Variants in AGBL1 observed in about 807,000 individuals in gnomAD.
AGBL1 encodes cytosolic carboxypeptidase 4.
AGBL1 carries 130 observed loss-of-function variants against 118.9 expected under a neutral mutation model. The ratio of observed to expected loss-of-function variants is 1.09; its 90% CI spans 0.95 to 1.26. The LOEUF is 1.26. Among genes scored for constraint, AGBL1 ranks in the 50% most tolerant of loss-of-function variants. The pLI is 0.00. For synonymous variants in AGBL1, 555 were observed against 478.9 expected (o/e 1.16, Z -2.08); for missense variants, 1,584 against 1,298.1 (o/e 1.22, Z -3.38).
intron 5 of AGBL1, among the ~76,000 whole-genome samples, chr15:86,173,868 A>T (rs1222531862): frequency 6.6e-6 from 1 of 152,116 alleles, no homozygotes; most frequent in Non-Finnish European, 1.5e-5. Context: ...TTTTGAAGGC[A>T]GGTAGTGTAA....
intron 22 of AGBL1, among the ~76,000 whole-genome samples, chr15:86,875,664 C>CT (rs1022081680): frequency 6.6e-6 from 1 of 152,194 alleles, no homozygotes; most frequent in Non-Finnish European, 1.5e-5. Context: ...GAACCCCTGG[C>CT]TTTCCTCCAA....
At chr15:87,007,752 T>C (rs1423323917) in intron 24 of AGBL1, among the ~76,000 whole-genome samples, 1 of 152,236 alleles carries the variant, frequency 6.6e-6, no homozygotes, top group Non-Finnish European at 1.5e-5. Flanking sequence ...ATGGGAATGC[T>C]GACTCTACAG....
At chr15:86,110,197 C>G (rs1214454320) in intron 1 of AGBL1, among the ~76,000 whole-genome samples, 1 of 152,140 alleles carries the variant, frequency 6.6e-6, no homozygotes, top group African/African-American at 2.4e-5. Context: ...TTACAGTTGA[C>G]CCTTAAACAA....
chr15:86,496,122 T>G (rs1296458218), intron 18 of AGBL1, among the ~76,000 whole-genome samples: 1 of 151,682 alleles, frequency 6.6e-6, no homozygotes, highest in Non-Finnish European at 1.5e-5. Flanking sequence ...TGGTGGGAGG[T>G]GATTGGATCA....
chr15:87,013,485 C>A (rs1037326597), intron 24 of AGBL1, among the ~76,000 whole-genome samples: 2 of 151,922 alleles, frequency 1.3e-5, no homozygotes, highest in African/African-American at 4.8e-5. Flanking sequence ...AAATACCTAA[C>A]CTCATTAGAG....
intron 18 of AGBL1, among the ~76,000 whole-genome samples, chr15:86,399,449 T>C (rs1051854269): frequency 7.2e-5 from 11 of 152,144 alleles, no homozygotes; most frequent in African/African-American, 2.7e-4. Flanking sequence ...TTGTCTGAGG[T>C]CCAGTAGAGA....
intron 18 of AGBL1, among the ~76,000 whole-genome samples, chr15:86,469,002 A>G (rs553329315): frequency 7.3e-4 from 111 of 152,298 alleles, no homozygotes; most frequent in Non-Finnish European, 1.3e-3. Flanking sequence ...GTTTAGATAT[A>G]TATATTCATT....
chr15:86,384,654 C>A (rs2081158767), intron 17 of AGBL1, among the ~76,000 whole-genome samples: 1 of 152,054 alleles, frequency 6.6e-6, no homozygotes, highest in Non-Finnish European at 1.5e-5. Flanking sequence ...TATTCAGAGT[C>A]TAAAATTGTT....
intron 23 of AGBL1, among the ~76,000 whole-genome samples, chr15:86,943,614 C>T (rs533274526): frequency 6.6e-6 from 1 of 152,218 alleles, no homozygotes; most frequent in Admixed American, 6.5e-5. Flanking sequence ...GATGGGTTCT[C>T]TACCCGGCCG....
At chr15:86,767,700 C>G (rs2078116198) in intron 22 of AGBL1, among the ~76,000 whole-genome samples, 1 of 151,802 alleles carries the variant, frequency 6.6e-6, no homozygotes, top group African/African-American at 2.4e-5. Context: ...GCTTCTGAGG[C>G]TTTTTTCTAA....
At chr15:87,004,398 A>C (rs1360448422) in intron 24 of AGBL1, among the ~76,000 whole-genome samples, 2 of 152,110 alleles carry the variant, frequency 1.3e-5, no homozygotes, top group Admixed American at 6.6e-5. Context: ...TATATTTAGG[A>C]TAGTTAGCTC....
At chr15:86,736,229 A>T (rs1407302685) in intron 22 of AGBL1, among the ~76,000 whole-genome samples, 1 of 152,056 alleles carries the variant, frequency 6.6e-6, no homozygotes, top group African/African-American at 2.4e-5. Flanking sequence ...AAAATACAAA[A>T]ATTAGCTGGG....
intron 22 of AGBL1, among the ~76,000 whole-genome samples, chr15:86,705,718 G>A (rs554772044): frequency 2.6e-5 from 4 of 152,206 alleles, no homozygotes; most frequent in South Asian, 2.1e-4. Context: ...AGCATAAGGG[G>A]CATTGATGTG....
At chr15:86,186,091 GAGA>G (rs1034480351) in intron 5 of AGBL1, among the ~76,000 whole-genome samples, 1 of 152,272 alleles carries the variant, frequency 6.6e-6, no homozygotes, top group African/African-American at 2.4e-5. Context: ...AAATCTTTGG[GAGA>G]AGGTGTATTT....
intron 22 of AGBL1, among the ~76,000 whole-genome samples, chr15:86,715,072 C>G (rs542097915): frequency 6.6e-6 from 1 of 152,110 alleles, no homozygotes; most frequent in Non-Finnish European, 1.5e-5. Context: ...CTGGCCCAGA[C>G]GTGGGAATGT....
intron 23 of AGBL1, among the ~76,000 whole-genome samples, chr15:86,955,014 T>C (rs779810496): frequency 9.2e-5 from 14 of 152,124 alleles, no homozygotes; most frequent in Non-Finnish European, 1.8e-4. Context: ...TAACTTCTCA[T>C]ACAGTATAAG....
chr15:86,387,452 C>T (rs1057073772), intron 17 of AGBL1, among the ~76,000 whole-genome samples: 1 of 151,970 alleles, frequency 6.6e-6, no homozygotes, highest in African/African-American at 2.4e-5. Context: ...GTTTTCACAC[C>T]TTATATGCTG....
intron 22 of AGBL1, among the ~76,000 whole-genome samples, chr15:86,805,834 A>T (rs890350417): frequency 6.6e-6 from 1 of 152,178 alleles, no homozygotes; most frequent in African/African-American, 2.4e-5. Flanking sequence ...AATCCCCAAA[A>T]GTCAACTCGT....
At chr15:86,143,283 G>A (rs530516538) in intron 2 of AGBL1, among the ~76,000 whole-genome samples, 1 of 152,072 alleles carries the variant, frequency 6.6e-6, no homozygotes, top group Non-Finnish European at 1.5e-5. Flanking sequence ...TCCAGATTAG[G>A]CCATCATCCC....
Sources: gnomAD v4.1 joint callset for allele counts (sites outside exome capture counted in the v4.1 genomes callset) on GRCh38, gnomAD v4.1.1 for gene constraint, MANE v1.5 for transcripts, NCBI Gene and HGNC (gene_info 2026-07-23, HGNC 2026-07-21) for gene names.